PAK5: variants seen among roughly 807,000 people sequenced by gnomAD.
PAK5 encodes serine/threonine-protein kinase PAK 5.
In PAK5, 16 loss-of-function variants were observed where a neutral mutation model predicts 65.9. The ratio of observed to expected loss-of-function variants is 0.24; its 90% CI spans 0.16 to 0.37. The LOEUF is 0.37. Among genes scored for constraint, PAK5 ranks in the 10% least tolerant of loss-of-function variants. The pLI, the probability that PAK5 is intolerant of heterozygous loss-of-function variation, is 1.00. For synonymous variants in PAK5, 371 were observed against 354.9 expected (o/e 1.05, Z -0.51); for missense variants, 785 against 903.9 (o/e 0.87, Z 1.69).
At position 9,760,743 on chromosome 20, in the gene PAK5, C is replaced by T. The variant is rs1347107592; in HGVS notation, c.-161-49308G>A. On this transcript the variant is annotated intron_variant, in intron 1 of 9. Coordinates refer to ENST00000353224, the MANE Select transcript of PAK5 (RefSeq NM_177990.4). Reference sequence around the variant, plus strand: ...CTGGAGTGCCGTGGTACGATCTCGGCTCACTGCAATCTCCACCTTCCAGGT... The same window carrying T: ...CTGGAGTGCCGTGGTACGATCTCGGTTCACTGCAATCTCCACCTTCCAGGT... Among the ~76,000 whole-genome samples, 8 of 144,780 alleles carry T rather than the reference C, an allele frequency of 5.5e-5. No homozygotes were observed. The East Asian group carries it at 1.6e-3, about 30-fold the overall frequency. The allele number at this position is 144,780 out of a possible 152,430, so 95.0% of individuals were successfully genotyped here. A position where few individuals can be genotyped will look rare whatever the true frequency, so the allele number is the denominator to read the frequency against.
chr20:9,571,484 C>G (rs566908315), intron 4 of PAK5, among the ~76,000 whole-genome samples: 1 of 152,350 alleles, frequency 6.6e-6, no homozygotes, highest in South Asian at 2.1e-4. Flanking sequence ...ACGACATAAC[C>G]TAGTTCTTCT....
chr20:9,719,953 C>G (rs1480518706), intron 1 of PAK5, among the ~76,000 whole-genome samples: 1 of 152,104 alleles, frequency 6.6e-6, no homozygotes, highest in Admixed American at 6.6e-5. Flanking sequence ...AATCTGACAC[C>G]TAAAATGGTA....
intron 2 of PAK5, among the ~76,000 whole-genome samples, chr20:9,685,865 T>G (rs2047712405): frequency 6.6e-6 from 1 of 152,202 alleles, no homozygotes; most frequent in South Asian, 2.1e-4. Flanking sequence ...CTCTGTGTTA[T>G]GAAGTACAGC....
At chr20:9,760,110 C>T (rs1275177082) in intron 1 of PAK5, among the ~76,000 whole-genome samples, 1 of 152,068 alleles carries the variant, frequency 6.6e-6, no homozygotes, top group Non-Finnish European at 1.5e-5. Context: ...CTGTGACCAC[C>T]AGAGTGTTAT....
At chr20:9,577,071 C>T (rs983245790) in intron 4 of PAK5, among the ~76,000 whole-genome samples, 24 of 152,220 alleles carry the variant, frequency 1.6e-4, no homozygotes, top group African/African-American at 5.8e-4. Flanking sequence ...GATTTGTCTG[C>T]AGGCGAGGGT....
chr20:9,739,755 G>A (rs2048431121), intron 1 of PAK5, among the ~76,000 whole-genome samples: 1 of 152,056 alleles, frequency 6.6e-6, no homozygotes, highest in African/African-American at 2.4e-5. Context: ...CTGACTGGAG[G>A]ATAGAAGGGA....
intron 1 of PAK5, among the ~76,000 whole-genome samples, chr20:9,801,648 A>G (rs1271320266): frequency 6.6e-6 from 1 of 151,882 alleles, no homozygotes; most frequent in African/African-American, 2.4e-5. Flanking sequence ...AAAAACTAAA[A>G]TTTTCTTTCT....
chr20:9,615,267 C>CAA, intron 3 of PAK5, among the ~76,000 whole-genome samples: 1 of 152,258 alleles, frequency 6.6e-6, no homozygotes, highest in Non-Finnish European at 1.5e-5. Context: ...AGACACTTGT[C>CAA]AAAACCCATA....
At chr20:9,646,733 G>A (rs998023959) in intron 2 of PAK5, among the ~76,000 whole-genome samples, 1 of 152,192 alleles carries the variant, frequency 6.6e-6, no homozygotes, top group Non-Finnish European at 1.5e-5. Flanking sequence ...AATACGCACT[G>A]TGCCTGCACA....
chr20:9,721,732 TTG>T (rs1173558986), intron 1 of PAK5, among the ~76,000 whole-genome samples: 6 of 150,456 alleles, frequency 4.0e-5, no homozygotes, highest in East Asian at 1.9e-4. Flanking sequence ...TTCATAGTTT[TTG>T]TGTGTGTGTG....
chr20:9,556,128 G>GT (rs2122948405), intron 7 of PAK5, among the ~76,000 whole-genome samples: 1 of 152,346 alleles, frequency 6.6e-6, no homozygotes, highest in South Asian at 2.1e-4. Flanking sequence ...AGTGGATGTA[G>GT]CAAAACCTGA....
intron 1 of PAK5, among the ~76,000 whole-genome samples, chr20:9,773,015 C>T (rs78031251): frequency 6.6e-6 from 1 of 152,142 alleles, no homozygotes; most frequent in Non-Finnish European, 1.5e-5. Flanking sequence ...GAGATAAATC[C>T]TCATGATGAG....
At position 9,596,419 on chromosome 20, in the gene PAK5, A is replaced by G. The variant is rs71330250; in HGVS notation, c.205-15489T>C. On this transcript the variant is annotated intron_variant, in intron 3 of 9. Transcript: ENST00000353224. Reference sequence around the variant, plus strand: ...TGGGAGGCCGAGGCGGGCGGATCACAAGGTCAGGAGATCAAGACCATCCTG... The same window carrying G: ...TGGGAGGCCGAGGCGGGCGGATCACGAGGTCAGGAGATCAAGACCATCCTG... Among the ~76,000 whole-genome samples the G allele has an allele frequency of 2.0e-3, 311 of 152,102 alleles. 2 individuals are homozygous for G. Among genetic ancestry groups the G allele is most frequent in the Non-Finnish European group, 2.9e-3 (199 of 67,982 alleles).
chr20:9,748,624 C>A (rs2048536812), intron 1 of PAK5, among the ~76,000 whole-genome samples: 1 of 152,094 alleles, frequency 6.6e-6, no homozygotes, highest in Non-Finnish European at 1.5e-5. Context: ...ATACAACATA[C>A]TACAGTAAAG....
At chr20:9,652,184 G>A (rs988600512) in intron 2 of PAK5, among the ~76,000 whole-genome samples, 2 of 152,112 alleles carry the variant, frequency 1.3e-5, no homozygotes, top group Non-Finnish European at 2.9e-5. Flanking sequence ...TTCACTTACG[G>A]GAGAAAGGTG....
In PAK5 at chr20:9,669,222, A is replaced by G. The variant is rs1373991748; in HGVS notation, c.-11-24883T>C. ...GTCATTTGGTTTTTATTTTAGATCTAGTAAAAAGTGTATTTAGGATGGTTT... is the reference window on the plus strand; with the variant it reads ...GTCATTTGGTTTTTATTTTAGATCTGGTAAAAAGTGTATTTAGGATGGTTT... On this transcript the variant is annotated intron_variant, in intron 2 of 9. Transcript: ENST00000353224. Among the ~76,000 whole-genome samples the G allele has an allele frequency of 3.3e-5, 5 of 152,188 alleles. No individual in the cohort carries two copies. The South Asian group carries it at 8.3e-4, about 25-fold the overall frequency.
chr20:9,618,390 T>C (rs2046699912), intron 3 of PAK5, among the ~76,000 whole-genome samples: 2 of 151,800 alleles, frequency 1.3e-5, no homozygotes, highest in South Asian at 2.1e-4. Flanking sequence ...GGACAGACTA[T>C]TACGGCCTGG....
chr20:9,655,449 G>C (rs1462342599), intron 2 of PAK5, among the ~76,000 whole-genome samples: 8 of 148,948 alleles, frequency 5.4e-5, no homozygotes, highest in Admixed American at 5.3e-4. Flanking sequence ...GGGGTGTTAT[G>C]TTAAAAAAAA....
chr20:9,563,054 T>C (rs1287912638), intron 5 of PAK5, 30 bp from the exon 6 acceptor site: 1 of 1,608,194 alleles, frequency 6.2e-7, no homozygotes, highest in South Asian at 1.1e-5. Context: ...ACTTTTGACT[T>C]GTGAAGATGA....
Sources: gnomAD v4.1 joint callset for allele counts (sites outside exome capture counted in the v4.1 genomes callset) on GRCh38, gnomAD v4.1.1 for gene constraint, MANE v1.5 for transcripts, NCBI Gene and HGNC (gene_info 2026-07-23, HGNC 2026-07-21) for gene names.